The following KIAA1755 variants were observed in gnomAD, a reference collection of about 807,000 sequenced individuals.
KIAA1755 encodes the protein uncharacterized protein KIAA1755.
In KIAA1755, 68 loss-of-function variants were observed where a neutral mutation model predicts 91.7. The ratio of observed to expected loss-of-function variants is 0.74; its 90% confidence interval spans 0.61 to 0.91. The LOEUF (loss-of-function observed/expected upper bound fraction) is 0.91. KIAA1755 is among the 40% of genes least tolerant of loss of function. KIAA1755 has a pLI of 0.00. For missense variants in KIAA1755, 1,535 were observed against 1,494.4 expected (o/e 1.03, Z -0.45); for synonymous variants, 610 against 604.6 (o/e 1.01, Z -0.13).
In KIAA1755 at chr20:38,227,182, A is replaced by T; in HGVS notation, c.2024T>A (p.Leu675His). 2 of 1,613,936 alleles carry T rather than the reference A, an allele frequency of 1.2e-6. No individual in the cohort carries two copies. Among genetic ancestry groups the T allele is most frequent in the Non-Finnish European group, 1.7e-6 (2 of 1,179,918 alleles). ...ILFLGEKEAA[L>H]QLQTLPDVQV... ...GACGTCAGGTAATGTCTGCAGCTGG[A>T]GAGCCGCCTCCTTCTCCCCCAGGAA... Residue 675 changes from leucine to histidine, a missense_variant, in exon 7 of 14, where the codon CTC becomes CAC. By Grantham distance (99) the Leu-to-His change is moderately conservative. Coordinates refer to ENST00000279024, the MANE Select transcript of KIAA1755 (RefSeq NM_001029864.2).
intron 8 of KIAA1755, 77 bp from the exon 9 acceptor site, chr20:38,223,713 G>T: frequency 1.8e-6 from 2 of 1,089,056 alleles, no homozygotes; most frequent in Non-Finnish European, 2.7e-6. Flanking sequence ...CAGGAGCACA[G>T]AGGGGAGGTG....
rs563109793 is a variant in KIAA1755 at position 38,241,637 on chromosome 20, C to A, written c.494G>T (p.Cys165Phe). ...AATCCCATTTTCTGATGCTACCAAG[C>A]AGTTGTGTAGGGGATTTCCCTCAAA... Reference protein sequence around the residue: ...SDFEGNPLHNCLVASENGIAP... With the variant: ...SDFEGNPLHNFLVASENGIAP... The change falls in exon 3 of 14, where the codon TGC becomes TTC. Residue 165 changes from cysteine (C) to phenylalanine (F), a missense_variant. By Grantham distance (205) the Cys-to-Phe change is radical. Coordinates refer to ENST00000279024, the MANE Select transcript of KIAA1755 (RefSeq NM_001029864.2). The A allele has an allele frequency of 1.2e-6, 2 of 1,614,124 alleles. No homozygotes were observed. The highest frequency in any genetic ancestry group is 1.3e-5 in the African/African-American group (1 of 74,944).
chr20:38,234,054 G>A (rs1462789526), intron 4 of KIAA1755, among the ~76,000 whole-genome samples: 1 of 151,124 alleles, frequency 6.6e-6, no homozygotes, highest in Non-Finnish European at 1.5e-5. Context: ...AAGGAGAGAG[G>A]CCACAGAAGG....
chr20:38,232,152 C>T (rs935676074), intron 4 of KIAA1755, among the ~76,000 whole-genome samples: 11 of 152,108 alleles, frequency 7.2e-5, no homozygotes, highest in Non-Finnish European at 1.2e-4. Context: ...TCCAGGATGC[C>T]CTGCAATGAC....
intron 1 of KIAA1755, among the ~76,000 whole-genome samples, chr20:38,250,504 GTGTGTGTC>G (rs2076231569): frequency 7.0e-6 from 1 of 143,632 alleles, no homozygotes; most frequent in African/African-American, 2.6e-5. Flanking sequence ...GTGTGTGTGT[GTGTGTGTC>G]TGTGTGTGTG....
rs1457059842 is a variant in KIAA1755 at position 38,255,666 on chromosome 20, T to G, written c.3+4832A>C. Among the ~76,000 whole-genome samples, 4 of 152,352 alleles carry G rather than the reference T, an allele frequency of 2.6e-5. No homozygotes were observed. In the South Asian group the frequency reaches 8.3e-4, roughly 32 times the overall value. ...CTTGCTCACTTCCAACTAAAACTTC[T>G]GCTTTAAGTCCTTTTTATTTTTGTG... On this transcript the variant is annotated intron_variant, in intron 1 of 13. Coordinates refer to ENST00000279024, the MANE Select transcript of KIAA1755 (RefSeq NM_001029864.2).
chr20:38,219,868 G>T, intron 10 of KIAA1755, 100 bp from the exon 11 acceptor site: 1 of 1,473,554 alleles, frequency 6.8e-7, no homozygotes, highest in Non-Finnish European at 9.2e-7. Context: ...TGTGGCCCCA[G>T]CCTGGGTTTC....
At chr20:38,250,364 A>G (rs1284177525) in intron 1 of KIAA1755, among the ~76,000 whole-genome samples, 2 of 152,054 alleles carry the variant, frequency 1.3e-5, no homozygotes, top group Admixed American at 6.6e-5. Flanking sequence ...GTTGATCAAG[A>G]TTGGGTGTAT....
At chr20:38,232,409 G>A (rs894465759) in intron 4 of KIAA1755, among the ~76,000 whole-genome samples, 12 of 151,552 alleles carry the variant, frequency 7.9e-5, no homozygotes, top group African/African-American at 9.7e-5. Context: ...GGTGGATCAC[G>A]AGGTCAGGAG....
intron 12 of KIAA1755, chr20:38,217,731 C>T (rs933934942): frequency 3.7e-5 from 21 of 567,300 alleles, no homozygotes; most frequent in Admixed American, 3.2e-4. Flanking sequence ...TTTGCCTAGC[C>T]GGGCTCTGCT....
intron 1 of KIAA1755, among the ~76,000 whole-genome samples, chr20:38,258,563 G>A (rs531459517): frequency 1.3e-5 from 2 of 152,348 alleles, no homozygotes; most frequent in East Asian, 3.9e-4. Context: ...ACATGCTAGA[G>A]TAAGAGTCAG....
At chr20:38,217,583 A>G (rs2075573256) in intron 12 of KIAA1755, 109 bp from the exon 13 acceptor site, 2 of 728,568 alleles carry the variant, frequency 2.7e-6, no homozygotes, top group Non-Finnish European at 4.5e-6. Flanking sequence ...AGACTTCCTG[A>G]GCTTCAGTTT....
At chr20:38,244,327 G>A (rs374103634) in intron 2 of KIAA1755, among the ~76,000 whole-genome samples, 9 of 152,358 alleles carry the variant, frequency 5.9e-5, no homozygotes, top group African/African-American at 2.2e-4. Context: ...TAGTTCCCAT[G>A]TATTGAGCTA....
At chr20:38,239,244 G>A (rs1357389013) in intron 4 of KIAA1755, among the ~76,000 whole-genome samples, 1 of 152,224 alleles carries the variant, frequency 6.6e-6, no homozygotes, top group African/African-American at 2.4e-5. Flanking sequence ...TATGTCTCAG[G>A]CTCTGCTTCT....
rs561612128 is a variant in KIAA1755 at position 38,212,667 on chromosome 20, C to G, written c.*375G>C. ...TAAGGGCAACACTGGCCCTCGTACC[C>G]GAGGGGAGAGCTGTGTATGTTCCTG... On this transcript the variant is annotated 3_prime_UTR_variant, in exon 14 of 14. Coordinates refer to ENST00000279024, the MANE Select transcript of KIAA1755 (RefSeq NM_001029864.2). 1.7e-5 allele frequency: 3 copies of G among 178,998 alleles called. No homozygotes were observed. The highest frequency in any genetic ancestry group is 3.5e-5 in the Non-Finnish European group (3 of 84,616). The allele number at this position is 178,998 out of a possible 1,614,324, so 11.1% of individuals were successfully genotyped here. A position where few individuals can be genotyped will look rare whatever the true frequency, so the allele number is the denominator to read the frequency against.
chr20:38,245,514 G>A (rs2076142631), intron 2 of KIAA1755, among the ~76,000 whole-genome samples: 1 of 152,228 alleles, frequency 6.6e-6, no homozygotes, highest in African/African-American at 2.4e-5. Flanking sequence ...GGTCACAGGG[G>A]AAGAAAGCAA....
intron 1 of KIAA1755, among the ~76,000 whole-genome samples, chr20:38,254,000 C>T (rs1165007305): frequency 2.0e-5 from 3 of 152,228 alleles, no homozygotes; most frequent in Admixed American, 1.3e-4. Context: ...TCTCCTGCCT[C>T]AGCCTCCCAG....
intron 8 of KIAA1755, among the ~76,000 whole-genome samples, chr20:38,224,787 ACCCT>A (rs2075726096): frequency 6.6e-6 from 1 of 152,052 alleles, no homozygotes; most frequent in Admixed American, 6.5e-5. Context: ...ACCGAAAGGC[ACCCT>A]CGCCCTATGT....
Position 38,230,561 on chromosome 20 carries a change from TA to T in KIAA1755, c.1871+640del, listed in dbSNP as rs201967040. ...GGGGATGGGCCCCTGCAATCTGTTT[TA>T]ACAGCCCACCAGGTGATTCGAATGC... is the stretch of plus-strand genomic sequence containing the variant. On this transcript the variant is annotated intron_variant, in intron 5 of 13. Transcript: ENST00000279024. Among the ~76,000 whole-genome samples the T allele has an allele frequency of 2.2e-3, 338 of 152,264 alleles. 4 individuals are homozygous for T. In the East Asian group the frequency reaches 0.042, roughly 19 times the overall value.
Sources: gnomAD v4.1 joint callset for allele counts (sites outside exome capture counted in the v4.1 genomes callset) on GRCh38, gnomAD v4.1.1 for gene constraint, MANE v1.5 for transcripts, NCBI Gene and HGNC (gene_info 2026-07-23, HGNC 2026-07-21) for gene names.